BCL9: variants seen among roughly 807,000 people sequenced by gnomAD.
BCL9 encodes the protein B-cell CLL/lymphoma 9 protein.
A neutral mutation model predicts 88.5 loss-of-function variants in BCL9; 25 were observed. The observed-to-expected ratio is 0.28, with a 90% confidence interval of 0.21 to 0.39. BCL9 has a LOEUF of 0.39. Among genes scored for constraint, BCL9 ranks in the 10% least tolerant of loss-of-function variants. The pLI is 1.00. For synonymous variants in BCL9, 711 were observed against 673.3 expected (o/e 1.06, Z -0.87); for missense variants, 1,817 against 1,877.8 (o/e 0.97, Z 0.60).
chr1:147,548,787 G>A (rs1482756381), intron 1 of BCL9, among the ~76,000 whole-genome samples: 2 of 151,922 alleles, frequency 1.3e-5, no homozygotes, highest in Non-Finnish European at 2.9e-5. Flanking sequence ...GAGATAGTGA[G>A]ACCCTGTCTC....
At position 147,544,010 on chromosome 1, in the gene BCL9, A is replaced by T. The variant is rs587645600; in HGVS notation, c.-478+2336A>T. ...CCACAACATGAATTTGCATAAATTC[A>T]TTCATGTATTCATTTGTTCATTCAA... On this transcript the variant is annotated intron_variant, in intron 1 of 9. Coordinates refer to ENST00000234739, the MANE Select transcript of BCL9 (RefSeq NM_004326.4). 2.0e-5 allele frequency among the ~76,000 whole-genome samples: 3 copies of T among 152,322 alleles called. No individual in the cohort carries two copies. The South Asian group carries it at 6.2e-4, about 32-fold the overall frequency.
At chr1:147,615,096 C>T (rs782728320) in intron 6 of BCL9, among the ~76,000 whole-genome samples, 3 of 152,126 alleles carry the variant, frequency 2.0e-5, no homozygotes. Context: ...CTGCCTCAGC[C>T]TCCCAAAATG....
intron 1 of BCL9, among the ~76,000 whole-genome samples, chr1:147,569,473 C>CAAAAAAAA (rs79619243): frequency 2.4e-5 from 3 of 124,964 alleles, no homozygotes; most frequent in Non-Finnish European, 3.2e-5. Context: ...TACTAAAATA[C>CAAAAAAAA]AAAAAAAAAA....
intron 1 of BCL9, among the ~76,000 whole-genome samples, chr1:147,591,446 C>T (rs1553199887): frequency 6.6e-6 from 1 of 152,274 alleles, no homozygotes; most frequent in Admixed American, 6.5e-5. Context: ...AGCACAGTTA[C>T]CTTACCTTGT....
chr1:147,611,028 A>G (rs911059496), intron 3 of BCL9, among the ~76,000 whole-genome samples: 10 of 152,164 alleles, frequency 6.6e-5, no homozygotes, highest in Non-Finnish European at 1.3e-4. Context: ...TGTTGGTTCA[A>G]TATTTGATTT....
chr1:147,565,666 C>T (rs1384685099), intron 1 of BCL9, among the ~76,000 whole-genome samples: 1 of 152,190 alleles, frequency 6.6e-6, no homozygotes, highest in African/African-American at 2.4e-5. Context: ...GGCCTTACTT[C>T]TTCTTTACAC....
intron 1 of BCL9, among the ~76,000 whole-genome samples, chr1:147,556,589 A>G (rs2101486735): frequency 6.6e-6 from 1 of 152,184 alleles, no homozygotes; most frequent in East Asian, 1.9e-4. Flanking sequence ...CTGAAACTAC[A>G]GGAGTGCATC....
At chr1:147,583,215 C>T (rs1376633384) in intron 1 of BCL9, among the ~76,000 whole-genome samples, 2 of 152,040 alleles carry the variant, frequency 1.3e-5, no homozygotes, top group African/African-American at 4.8e-5. Context: ...TTGTTGAAAT[C>T]ATAGTTGTTG....
At chr1:147,542,962 T>C (rs1251614560) in intron 1 of BCL9, among the ~76,000 whole-genome samples, 1 of 152,176 alleles carries the variant, frequency 6.6e-6, no homozygotes, top group Non-Finnish European at 1.5e-5. Context: ...ACAATTGCTG[T>C]TTATCAGAGA....
At position 147,621,066 on chromosome 1, in the gene BCL9, G is replaced by A. The variant is rs1166030263; in HGVS notation, c.2902+9G>A. ...GGGAAATGTAGAGTCAGGTCAGTAT[G>A]CTTGCATCCTCACAGTTGCACCTAG... On this transcript the variant is annotated intron_variant, in intron 8 of 9. Coordinates refer to ENST00000234739, the MANE Select transcript of BCL9 (RefSeq NM_004326.4). The A allele has an allele frequency of 6.2e-7, 1 of 1,605,772 alleles. No individual in the cohort carries two copies. Among genetic ancestry groups the A allele is most frequent in the Non-Finnish European group, 8.5e-7 (1 of 1,176,288 alleles).
At chr1:147,569,987 T>C (rs982278478) in intron 1 of BCL9, among the ~76,000 whole-genome samples, 6 of 152,164 alleles carry the variant, frequency 3.9e-5, no homozygotes, top group African/African-American at 1.4e-4. Flanking sequence ...TTAGTTCTAT[T>C]TATGTTGAAT....
At chr1:147,569,513 G>A (rs1286896066) in intron 1 of BCL9, among the ~76,000 whole-genome samples, 1 of 150,450 alleles carries the variant, frequency 6.6e-6, no homozygotes, top group Non-Finnish European at 1.5e-5. Context: ...AGCCAGGTGT[G>A]GTGGCATGTG....
intron 6 of BCL9, 94 bp downstream of exon 6, chr1:147,614,710 A>C: frequency 7.6e-7 from 1 of 1,308,208 alleles, no homozygotes. Flanking sequence ...TTATCACCTA[A>C]AGTTAACAGT....
In BCL9 at chr1:147,620,277, G is replaced by T; in HGVS notation, c.2122G>T (p.Glu708Ter). Residue 708 changes from glutamate to a stop codon, truncating the protein, a stop_gained, in exon 8 of 10, where the codon GAG becomes TAG. Transcript: ENST00000234739. LOFTEE classifies it high-confidence loss of function. ...ACAGATGGGCCCTGGTCGGGAACTTGAGTTTGGGATGGTTCCTAGTGGGAT... is the reference window on the plus strand; with the variant it reads ...ACAGATGGGCCCTGGTCGGGAACTTTAGTTTGGGATGGTTCCTAGTGGGAT... ...PPQMGPGREL[E>*]FGMVPSGMKG... 1 of 1,614,110 alleles carries T rather than the reference G, an allele frequency of 6.2e-7. No individual in the cohort carries two copies. The highest frequency in any genetic ancestry group is 8.5e-7 in the Non-Finnish European group (1 of 1,179,954).
At chr1:147,575,063 T>A (rs1553197918) in intron 1 of BCL9, among the ~76,000 whole-genome samples, 1 of 152,152 alleles carries the variant, frequency 6.6e-6, no homozygotes, top group African/African-American at 2.4e-5. Flanking sequence ...TAATAATAGC[T>A]ACTGTTTATT....
At chr1:147,580,018 T>A (rs1656291676) in intron 1 of BCL9, among the ~76,000 whole-genome samples, 1 of 152,204 alleles carries the variant, frequency 6.6e-6, no homozygotes, top group African/African-American at 2.4e-5. Flanking sequence ...ACTCTGATGT[T>A]CTCATTCATT....
At chr1:147,546,988 T>C (rs1654634194) in intron 1 of BCL9, among the ~76,000 whole-genome samples, 1 of 62,638 alleles carries the variant, frequency 1.6e-5, no homozygotes, top group Non-Finnish European at 3.0e-5. Flanking sequence ...CACAGGCTTT[T>C]CCATAAAAAT....
At chr1:147,565,248 T>C (rs1491001266) in intron 1 of BCL9, among the ~76,000 whole-genome samples, 1 of 152,184 alleles carries the variant, frequency 6.6e-6, no homozygotes, top group African/African-American at 2.4e-5. Flanking sequence ...ATTTTATACA[T>C]GAGAAAATGT....
In BCL9 at chr1:147,615,827, C is replaced by T; in HGVS notation, c.585C>T (p.Gly195=). ...ANKAAEAVLK[G]QVETIVSFHI... ...GAGCTGCAGAAGCTGTTTTGAAGGG[C>T]CAGGTTGAAACTATCGTCTCTTTCC... The change falls in exon 7 of 10, where the codon GGC becomes GGT. Residue 195 remains glycine (G), a synonymous_variant. Coordinates refer to ENST00000234739, the MANE Select transcript of BCL9 (RefSeq NM_004326.4). The T allele has an allele frequency of 6.2e-7, 1 of 1,614,104 alleles. No homozygotes were observed. The highest frequency in any genetic ancestry group is 8.5e-7 in the Non-Finnish European group (1 of 1,179,996).
Sources: allele counts gnomAD v4.1 joint callset (sites outside exome capture counted in the v4.1 genomes callset), GRCh38; gene constraint gnomAD v4.1.1; transcripts MANE v1.5; gene names NCBI Gene and HGNC (gene_info 2026-07-23, HGNC 2026-07-21).